SHROOM3: variants seen among roughly 807,000 people sequenced by gnomAD.
SHROOM3 encodes the protein shroom family member 3, also known as protein Shroom3.
A neutral mutation model predicts 138.6 loss-of-function variants in SHROOM3; 47 were observed. The ratio of observed to expected loss-of-function variants is 0.34; its 90% CI spans 0.27 to 0.43. SHROOM3 has a LOEUF of 0.43. Ranked by LOEUF, SHROOM3 falls within the 20% of genes least tolerant of loss-of-function variation. SHROOM3 has a pLI of 1.00. For missense variants in SHROOM3, 2,491 were observed against 2,596.5 expected, an observed-to-expected ratio of 0.96 and a Z score of 0.88; for synonymous variants, 1,062 against 1,063.3, an observed-to-expected ratio of 1.00 and a Z score of 0.02.
intron 2 of SHROOM3, among the ~76,000 whole-genome samples, chr4:76,566,385 C>A (rs941918470): frequency 6.6e-6 from 1 of 152,120 alleles, no homozygotes; most frequent in Admixed American, 6.5e-5. Context: ...ACCAATCCCC[C>A]ATGAATGCAG....
intron 2 of SHROOM3, among the ~76,000 whole-genome samples, chr4:76,596,234 T>C (rs1034858258): frequency 1.3e-5 from 2 of 152,120 alleles, no homozygotes. Context: ...TTCAGTAATG[T>C]GCTGGGACAT....
chr4:76,485,568 G>A (rs761430516), intron 1 of SHROOM3, among the ~76,000 whole-genome samples: 63 of 152,190 alleles, frequency 4.1e-4, no homozygotes, highest in Middle Eastern at 3.2e-3. Flanking sequence ...ATTTGGGAGG[G>A]TGAAGTTAGC....
chr4:76,639,573 G>A (rs1430396333), intron 2 of SHROOM3: 2 of 398,498 alleles, frequency 5.0e-6, no homozygotes, highest in Non-Finnish European at 8.8e-6. Context: ...ATGGTGGTAA[G>A]CAAGGGCGGC....
intron 1 of SHROOM3, among the ~76,000 whole-genome samples, chr4:76,459,549 A>C (rs1731100008): frequency 6.6e-6 from 1 of 152,140 alleles, no homozygotes; most frequent in South Asian, 2.1e-4. Context: ...AACAGGATCA[A>C]GTTGGAGCAG....
chr4:76,735,280 G>T (rs751796422), intron 4 of SHROOM3, among the ~76,000 whole-genome samples: 4 of 152,096 alleles, frequency 2.6e-5, no homozygotes, highest in Non-Finnish European at 5.9e-5. Context: ...AATGGCAAAG[G>T]TAATAAAAAT....
In SHROOM3 at chr4:76,604,604, C is replaced by T. The variant is rs892012570; in HGVS notation, c.323+48841C>T. The stretch of plus-strand genomic sequence containing the variant: ...TTCATTAAAATGTTCAAATGGTAAC[C>T]GTCCACCTGAAGGATGCCATGAAAA... On this transcript the variant is annotated intron_variant, in intron 2 of 10. Coordinates refer to ENST00000296043, the MANE Select transcript of SHROOM3 (RefSeq NM_020859.4). Among the ~76,000 whole-genome samples the T allele has an allele frequency of 5.9e-5, 9 of 152,226 alleles. 1 individual carries two copies. Among genetic ancestry groups the T allele is most frequent in the Middle Eastern group, 3.4e-3 (1 of 294 alleles).
rs1579151242 is a variant in SHROOM3 at position 76,435,817 on chromosome 4, A to G, written c.-236A>G. 4.0e-6 allele frequency: 2 copies of G among 494,736 alleles called. No homozygotes were observed. The highest frequency in any genetic ancestry group is 2.9e-5 in the South Asian group (1 of 35,008). 30.6% of individuals were successfully genotyped at this position (494,736 alleles called of 1,614,324 possible). A position where few individuals can be genotyped will look rare whatever the true frequency, so the allele number is the denominator to read the frequency against. On this transcript the variant is annotated 5_prime_UTR_variant, in exon 1 of 11. Transcript: ENST00000296043. ...CACTTGGGGGCTTCAGTGAGAACCC[A>G]GAATTCCTGGAGGAGGATTTACATT... is the stretch of plus-strand genomic sequence containing the variant.
chr4:76,627,254 G>C (rs1735172489), intron 2 of SHROOM3, among the ~76,000 whole-genome samples: 1 of 152,190 alleles, frequency 6.6e-6, no homozygotes, highest in Non-Finnish European at 1.5e-5. Flanking sequence ...AGCCTGCAGG[G>C]GGAGATCCTA....
chr4:76,701,357 G>T (rs1251521644), intron 2 of SHROOM3, among the ~76,000 whole-genome samples: 1 of 152,192 alleles, frequency 6.6e-6, no homozygotes, highest in Non-Finnish European at 1.5e-5. Flanking sequence ...TCCAAAGGCA[G>T]TATGGAACAA....
At position 76,608,668 on chromosome 4, in the gene SHROOM3, C is replaced by CAT. The variant is rs1734691678; in HGVS notation, c.323+52906_323+52907insTA. On this transcript the variant is annotated intron_variant, in intron 2 of 10. Transcript: ENST00000296043. ...TAGCATAGCATAGCATAGCATAGCACAGCATAGCACAGCACAGCACAGCAC... is the reference window on the plus strand; with the variant it reads ...TAGCATAGCATAGCATAGCATAGCACATAGCATAGCACAGCACAGCACAGCAC... Among the ~76,000 whole-genome samples, 166 of 94,388 alleles carry CAT rather than the reference C, an allele frequency of 1.8e-3. 10 individuals carry two copies. The highest frequency in any genetic ancestry group is 5.3e-3 in the African/African-American group (152 of 28,524). 61.9% of individuals were successfully genotyped at this position (94,388 alleles called of 152,430 possible). A position where few individuals can be genotyped will look rare whatever the true frequency, so the allele number is the denominator to read the frequency against.
At chr4:76,508,938 A>G (rs1462824240) in intron 1 of SHROOM3, among the ~76,000 whole-genome samples, 2 of 152,150 alleles carry the variant, frequency 1.3e-5, no homozygotes, top group Non-Finnish European at 2.9e-5. Flanking sequence ...TTGACTTTAC[A>G]TGGTGGAAGG....
intron 1 of SHROOM3, among the ~76,000 whole-genome samples, chr4:76,494,086 A>C (rs1437150134): frequency 6.7e-6 from 1 of 150,148 alleles, no homozygotes; most frequent in African/African-American, 2.5e-5. Flanking sequence ...GGTGGACCTT[A>C]TTTTTCTCAT....
At chr4:76,531,661 C>T (rs569887968) in intron 1 of SHROOM3, among the ~76,000 whole-genome samples, 1 of 152,186 alleles carries the variant, frequency 6.6e-6, no homozygotes, top group Non-Finnish European at 1.5e-5. Context: ...CAGCACAGCA[C>T]TTAGTAAGTG....
chr4:76,598,471 A>G lies in SHROOM3; in HGVS notation c.323+42708A>G, dbSNP rs79513496. 3.4e-3 allele frequency among the ~76,000 whole-genome samples: 522 copies of G among 152,374 alleles called. 1 individual carries two copies. Among genetic ancestry groups the G allele is most frequent in the African/African-American group, 0.012 (499 of 41,584 alleles). ...GTAGATGGATTTAGTGAGTGAAGAC[A>G]TTCTAGCTAGACAAAGTAGCTTACA... On this transcript the variant is annotated intron_variant, in intron 2 of 10. Transcript: ENST00000296043.
chr4:76,736,238 G>C (rs35930035), intron 4 of SHROOM3, among the ~76,000 whole-genome samples: 13,785 of 152,002 alleles, frequency 0.091, 680 homozygotes, highest in Non-Finnish European at 0.1. Context: ...CAGGGTAGGG[G>C]GTAAAATCTT....
At chr4:76,555,933 G>A (rs1281130792) in intron 2 of SHROOM3, among the ~76,000 whole-genome samples, 170 bp downstream of exon 2, 1 of 152,142 alleles carries the variant, frequency 6.6e-6, no homozygotes, top group African/African-American at 2.4e-5. Context: ...GATGTGGGGA[G>A]GAAGTGGGGT....
intron 1 of SHROOM3, among the ~76,000 whole-genome samples, chr4:76,476,454 T>C (rs1051738665): frequency 1.3e-5 from 2 of 152,234 alleles, no homozygotes; most frequent in African/African-American, 2.4e-5. Flanking sequence ...ATCAGATTAC[T>C]GCATTTCTTG....
intron 1 of SHROOM3, among the ~76,000 whole-genome samples, chr4:76,547,856 G>C (rs1033401942): frequency 2.6e-5 from 4 of 151,782 alleles, no homozygotes; most frequent in African/African-American, 9.7e-5. Flanking sequence ...CTTGAACCCA[G>C]GAAGCAGAGG....
intron 1 of SHROOM3, among the ~76,000 whole-genome samples, chr4:76,436,998 G>T (rs996287966): frequency 9.9e-5 from 15 of 152,144 alleles, no homozygotes; most frequent in African/African-American, 3.6e-4. Flanking sequence ...CATTCATCAA[G>T]AAACATTTGT....
Sources: allele counts gnomAD v4.1 joint callset (sites outside exome capture counted in the v4.1 genomes callset), GRCh38; gene constraint gnomAD v4.1.1; transcripts MANE v1.5; gene names NCBI Gene and HGNC (gene_info 2026-07-23, HGNC 2026-07-21).